RGL1: variants seen among roughly 807,000 people sequenced by gnomAD.
The protein encoded by RGL1 is ral guanine nucleotide dissociation stimulator like 1, also known as ral guanine nucleotide dissociation stimulator-like 1.
RGL1 carries 24 observed loss-of-function variants against 95.2 expected under a neutral mutation model. The ratio of observed to expected loss-of-function variants is 0.25; its 90% confidence interval spans 0.18 to 0.35. The LOEUF is 0.35. Ranked by LOEUF, RGL1 falls within the 10% of genes least tolerant of loss-of-function variation. The pLI is 1.00. For synonymous variants in RGL1, 329 were observed against 344.9 expected (o/e 0.95, Z 0.51); for missense variants, 715 against 936.3 (o/e 0.76, Z 3.08).
chr1:183,860,780 G>GTA (rs1665465911), intron 3 of RGL1, among the ~76,000 whole-genome samples: 1 of 152,134 alleles, frequency 6.6e-6, no homozygotes, highest in Non-Finnish European at 1.5e-5. Flanking sequence ...GCACTACCAT[G>GTA]TATACTTCAT....
At position 183,881,167 on chromosome 1, in the gene RGL1, A is replaced by G. The variant is rs1666803637; in HGVS notation, c.610+367A>G. ...CCCTTATCAACATGTACCATGCTGA[A>G]CCTGAATTTGCATTTTATTACCTGT... On this transcript the variant is annotated intron_variant, in intron 5 of 17. Transcript: ENST00000360851. 2.6e-5 allele frequency among the ~76,000 whole-genome samples: 4 copies of G among 152,178 alleles called. No homozygotes were observed. In the South Asian group the frequency reaches 8.3e-4, roughly 32 times the overall value.
At chr1:183,798,917 G>A (rs370189217) in intron 2 of RGL1, among the ~76,000 whole-genome samples, 320 of 111,012 alleles carry the variant, frequency 2.9e-3, no homozygotes, top group African/African-American at 0.011. Context: ...GTCTTGCTCT[G>A]TCGCCCAGGC....
chr1:183,644,482 G>C (rs769588954), intron 1 of RGL1, among the ~76,000 whole-genome samples: 1 of 152,072 alleles, frequency 6.6e-6, no homozygotes, highest in Non-Finnish European at 1.5e-5. Flanking sequence ...CTGGAGTGTA[G>C]TGGTGTGATC....
chr1:183,849,189 A>C (rs1410243444), intron 3 of RGL1, among the ~76,000 whole-genome samples: 2 of 152,124 alleles, frequency 1.3e-5, no homozygotes, highest in Non-Finnish European at 2.9e-5. Flanking sequence ...TCCGGGGCTC[A>C]AGAGATCAGC....
chr1:183,648,474 C>CCATT (rs763809592), intron 1 of RGL1: 1 of 1,614,168 alleles, frequency 6.2e-7, no homozygotes, highest in Non-Finnish European at 8.5e-7. Flanking sequence ...GTCAAGATAA[C>CCATT]CATTCATTTC....
At chr1:183,810,752 C>T (rs563923599) in intron 2 of RGL1, among the ~76,000 whole-genome samples, 9 of 152,232 alleles carry the variant, frequency 5.9e-5, no homozygotes, top group African/African-American at 1.9e-4. Context: ...TGTTGCTATC[C>T]ATGTTGCCTT....
intron 2 of RGL1, among the ~76,000 whole-genome samples, chr1:183,795,321 A>G (rs1045349634): frequency 5.9e-5 from 9 of 152,274 alleles, no homozygotes; most frequent in African/African-American, 1.9e-4. Flanking sequence ...GTCTAATGGG[A>G]GAAACGGGAG....
rs1203782824 is a variant in RGL1, at chr1:183,746,794, C to A, written c.132+4505C>A. Among the ~76,000 whole-genome samples the A allele has an allele frequency of 2.0e-5, 3 of 152,080 alleles. No individual in the cohort carries two copies. The East Asian group carries it at 5.8e-4, about 29-fold the overall frequency. ...TAGTTCTCCTAATGTTATCTCTCCCCTTGCCCCCCATCCCCCAACAGGCCT... is the reference window on the plus strand; with the variant it reads ...TAGTTCTCCTAATGTTATCTCTCCCATTGCCCCCCATCCCCCAACAGGCCT... On this transcript the variant is annotated intron_variant, in intron 2 of 18. Transcript: ENST00000304685.
At chr1:183,825,609 G>A (rs1267272018) in intron 2 of RGL1, among the ~76,000 whole-genome samples, 2 of 152,132 alleles carry the variant, frequency 1.3e-5, no homozygotes, top group Non-Finnish European at 2.9e-5. Flanking sequence ...AACCCAAATA[G>A]CTCTCATCCC....
chr1:183,916,594 A>G lies in RGL1; in HGVS notation c.1897A>G (p.Ile633Val), dbSNP rs780318929. The change falls in exon 16 of 18, where the codon ATT (isoleucine) becomes GTT (valine). Residue 633 changes from isoleucine to valine, a missense_variant. Coordinates refer to ENST00000360851, the MANE Select transcript of RGL1 (RefSeq NM_001297671.3). ...CAAGCGCTCTGTCTCGGTGACGTCC[A>G]TTACCTCGACTGTGCTGCCTCCTGT... ...IHKRSVSVTS[I>V]TSTVLPPVYN... The G allele has an allele frequency of 3.1e-6, 5 of 1,613,814 alleles. No individual in the cohort carries two copies. Among genetic ancestry groups the G allele is most frequent in the Middle Eastern group, 1.6e-4 (1 of 6,062 alleles).
chr1:183,656,496 G>GCAGC (rs1651176875), intron 1 of RGL1, among the ~76,000 whole-genome samples: 2 of 152,158 alleles, frequency 1.3e-5, no homozygotes, highest in Admixed American at 1.3e-4. Flanking sequence ...TTGGCCAAAG[G>GCAGC]CAGCCAACTG....
At chr1:183,917,015 G>A (rs1464806523) in intron 16 of RGL1, among the ~76,000 whole-genome samples, 1 of 152,108 alleles carries the variant, frequency 6.6e-6, no homozygotes, top group African/African-American at 2.4e-5. Flanking sequence ...CTCAATTTGG[G>A]TGACAGTGTA....
intron 3 of RGL1, among the ~76,000 whole-genome samples, chr1:183,862,819 TAAAGAGTAGTGAGCAAAAAGA>T (rs1284598750): frequency 6.6e-6 from 1 of 152,194 alleles, no homozygotes; most frequent in East Asian, 1.9e-4. Context: ...GTGCCAGCTC[TAAAGAGTAGTGAGCAAAAAGA>T]AAACATCCTG....
intron 4 of RGL1, among the ~76,000 whole-genome samples, chr1:183,876,789 C>A (rs1666523648): frequency 2.0e-5 from 3 of 152,200 alleles, no homozygotes; most frequent in Non-Finnish European, 4.4e-5. Context: ...TCACACATGT[C>A]ATAGCATGGC....
chr1:183,684,868 G>T (rs1172697819), intron 1 of RGL1, among the ~76,000 whole-genome samples: 1 of 152,132 alleles, frequency 6.6e-6, no homozygotes, highest in Non-Finnish European at 1.5e-5. Flanking sequence ...TGTGCTTCCT[G>T]GTTGAGAGGA....
chr1:183,892,294 T>G, intron 9 of RGL1, 133 bp downstream of exon 9: 1 of 619,688 alleles, frequency 1.6e-6, no homozygotes, highest in East Asian at 2.8e-5. Context: ...GGCAAAAAAT[T>G]TTTTTAAATG....
chr1:183,891,379 T>G (rs1045781320), intron 8 of RGL1, among the ~76,000 whole-genome samples: 5 of 152,170 alleles, frequency 3.3e-5, no homozygotes, highest in Non-Finnish European at 5.9e-5. Context: ...ATATGTGGTT[T>G]CACTCACTGT....
intron 2 of RGL1, among the ~76,000 whole-genome samples, chr1:183,755,475 G>C (rs1226770711): frequency 2.0e-5 from 3 of 151,710 alleles, no homozygotes; most frequent in Non-Finnish European, 4.4e-5. Flanking sequence ...CTTTATTAAA[G>C]GGTTAAGTAT....
intron 2 of RGL1, among the ~76,000 whole-genome samples, chr1:183,770,925 C>T (rs1302519728): frequency 6.6e-6 from 1 of 152,282 alleles, no homozygotes; most frequent in Admixed American, 6.5e-5. Flanking sequence ...AGTGTTAGAA[C>T]CACTCATCTC....
Sources: allele counts gnomAD v4.1 joint callset (sites outside exome capture counted in the v4.1 genomes callset), GRCh38; gene constraint gnomAD v4.1.1; transcripts MANE v1.5; gene names NCBI Gene and HGNC (gene_info 2026-07-23, HGNC 2026-07-21).